ZNF675: variants seen among roughly 807,000 people sequenced by gnomAD.
ZNF675 encodes zinc finger protein 675.
A neutral mutation model predicts 56.1 loss-of-function variants in ZNF675; 36 were observed. That is an observed-to-expected ratio of 0.64 (90% CI 0.49 to 0.85). ZNF675 has a LOEUF of 0.85. ZNF675 is among the 40% of genes least tolerant of loss of function. ZNF675 has a pLI of 0.00. For synonymous variants in ZNF675, 200 were observed against 218.9 expected (o/e 0.91, Z 0.76); for missense variants, 663 against 654.2 (o/e 1.01, Z -0.15).
chr19:23,670,564 G>A (rs1968215861), intron 1 of ZNF675, among the ~76,000 whole-genome samples: 1 of 152,008 alleles, frequency 6.6e-6, no homozygotes, highest in Admixed American at 6.6e-5. Flanking sequence ...TGCTTCTGAG[G>A]CTAAAACTCA....
At chr19:23,676,890 T>C (rs973022172) in intron 1 of ZNF675, among the ~76,000 whole-genome samples, 24 of 151,010 alleles carry the variant, frequency 1.6e-4, no homozygotes, top group Non-Finnish European at 8.8e-5. Context: ...CTGGCTAACA[T>C]GGTGAAACTC....
chr19:23,675,263 G>T (rs758665659), intron 1 of ZNF675, among the ~76,000 whole-genome samples: 3 of 151,190 alleles, frequency 2.0e-5, no homozygotes, highest in African/African-American at 7.4e-5. Context: ...ATAGTGGGAG[G>T]CTACAATACA....
At chr19:23,677,074 C>T (rs1179327728) in intron 1 of ZNF675, among the ~76,000 whole-genome samples, 4 of 97,744 alleles carry the variant, frequency 4.1e-5, no homozygotes, top group African/African-American at 1.6e-4. Flanking sequence ...AAGACTGTCT[C>T]AGAAAAAAAA....
intron 1 of ZNF675, among the ~76,000 whole-genome samples, chr19:23,671,246 T>C (rs112259716): frequency 2.0e-5 from 3 of 152,130 alleles, no homozygotes; most frequent in Non-Finnish European, 2.9e-5. Context: ...AAGCTACAGA[T>C]AGGGCCACAG....
chr19:23,672,606 G>A (rs970186160), intron 1 of ZNF675, among the ~76,000 whole-genome samples: 4 of 152,196 alleles, frequency 2.6e-5, no homozygotes, highest in African/African-American at 9.7e-5. Context: ...CAGATTCTAC[G>A]TCAGATAAAC....
At chr19:23,679,039 C>T (rs1461493589) in intron 1 of ZNF675, among the ~76,000 whole-genome samples, 2 of 150,698 alleles carry the variant, frequency 1.3e-5, no homozygotes, top group African/African-American at 2.5e-5. Context: ...TGGTGGCAGG[C>T]ACCTGTAGTC....
Position 23,653,179 on chromosome 19 carries a change from G to A in ZNF675, c.*47C>T. 6.7e-7 allele frequency: 1 copy of A among 1,493,946 alleles called. No homozygotes were observed. Among genetic ancestry groups the A allele is most frequent in the East Asian group, 2.3e-5 (1 of 44,030 alleles). The allele number at this position is 1,493,946 out of a possible 1,614,324, so 92.5% of individuals were successfully genotyped here. ...CATTTCTAGAATTTTTCACCAGTAT[G>A]ATTTCCTTTATATTTAGAAAAATTT... On this transcript the variant is annotated 3_prime_UTR_variant, in exon 4 of 4. Transcript: ENST00000359788.
chr19:23,653,039 TGA>T lies in ZNF675; in HGVS notation c.*185_*186del. On this transcript the variant is annotated 3_prime_UTR_variant, in exon 4 of 4. Coordinates refer to ENST00000359788, the MANE Select transcript of ZNF675 (RefSeq NM_138330.3). ...AAACGCTTTCCTGTGCAATAAGGTT[TGA>T]GCCTTAATTAACAGTATTGCCAAAT... 1.8e-6 allele frequency: 1 copy of T among 566,252 alleles called. No individual in the cohort carries two copies. 35.1% of individuals were successfully genotyped at this position (566,252 alleles called of 1,614,324 possible).
At chr19:23,665,524 G>A (rs1043335601) in intron 1 of ZNF675, among the ~76,000 whole-genome samples, 3 of 151,798 alleles carry the variant, frequency 2.0e-5, no homozygotes, top group African/African-American at 7.3e-5. Flanking sequence ...GTGATGGAGT[G>A]TCGCTCTGTA....
intron 1 of ZNF675, among the ~76,000 whole-genome samples, chr19:23,664,801 A>C (rs917888830): frequency 1.3e-5 from 2 of 150,900 alleles, no homozygotes; most frequent in African/African-American, 5.0e-5. Flanking sequence ...AAATACACAA[A>C]TTAGCCAGGC....
intron 1 of ZNF675, among the ~76,000 whole-genome samples, chr19:23,663,728 A>G (rs1968113133): frequency 6.6e-6 from 1 of 152,202 alleles, no homozygotes. Flanking sequence ...AAAAAAATAC[A>G]TAATTAAGGG....
At chr19:23,666,552 A>G (rs894640328) in intron 1 of ZNF675, among the ~76,000 whole-genome samples, 4 of 152,106 alleles carry the variant, frequency 2.6e-5, no homozygotes, top group African/African-American at 9.6e-5. Context: ...GTGTAATTTC[A>G]TTTTCAATAA....
At chr19:23,664,914 G>GTA (rs1292657895) in intron 1 of ZNF675, among the ~76,000 whole-genome samples, 2 of 152,128 alleles carry the variant, frequency 1.3e-5, no homozygotes, top group African/African-American at 4.8e-5. Context: ...TCGCACCACT[G>GTA]TACTCCAGCC....
chr19:23,678,719 AC>A (rs1968334801), intron 1 of ZNF675, among the ~76,000 whole-genome samples: 1 of 150,170 alleles, frequency 6.7e-6, no homozygotes, highest in Non-Finnish European at 1.5e-5. Flanking sequence ...TGGTACTGGA[AC>A]AAAAACAGAC....
intron 1 of ZNF675, among the ~76,000 whole-genome samples, chr19:23,666,854 C>G (rs1370290545): frequency 6.6e-6 from 1 of 151,642 alleles, no homozygotes; most frequent in African/African-American, 2.4e-5. Flanking sequence ...TGAAAGGTTT[C>G]CACGTGCAAG....
intron 1 of ZNF675, chr19:23,686,105 C>T (rs1427746619): frequency 6.6e-6 from 1 of 152,160 alleles, no homozygotes; most frequent in Non-Finnish European, 1.5e-5. Context: ...GAAATGTCCA[C>T]CTTAATTGTA....
chr19:23,686,851 C>T (rs561757608), intron 1 of ZNF675, among the ~76,000 whole-genome samples, 180 bp downstream of exon 1: 142 of 152,264 alleles, frequency 9.3e-4, no homozygotes, highest in Non-Finnish European at 9.3e-4. Context: ...TGCCCCGGGG[C>T]TGGCTGTCAG....
chr19:23,685,726 T>G (rs1371450636), intron 1 of ZNF675, among the ~76,000 whole-genome samples: 1 of 152,176 alleles, frequency 6.6e-6, no homozygotes, highest in African/African-American at 2.4e-5. Flanking sequence ...ATCTAAAGTG[T>G]ACAATAAAAG....
chr19:23,657,096 G>T (rs1468102031), intron 3 of ZNF675: 1 of 152,012 alleles, frequency 6.6e-6, no homozygotes, highest in Non-Finnish European at 1.5e-5. Context: ...CACCATGCCT[G>T]GCTATTTTTA....
Sources: allele counts gnomAD v4.1 joint callset (sites outside exome capture counted in the v4.1 genomes callset), GRCh38; gene constraint gnomAD v4.1.1; transcripts MANE v1.5; gene names NCBI Gene and HGNC (gene_info 2026-07-23, HGNC 2026-07-21).